The following NDUFAF2 variants were observed in gnomAD, a reference collection of about 807,000 sequenced individuals.
NDUFAF2 encodes the protein NADH:ubiquinone oxidoreductase complex assembly factor 2.
A neutral mutation model predicts 22.8 loss-of-function variants in NDUFAF2; 13 were observed. The observed-to-expected ratio is 0.57, with a 90% CI of 0.37 to 0.91. The LOEUF is 0.91. Among genes scored for constraint, NDUFAF2 ranks in the 40% least tolerant of loss-of-function variants. The probability of loss-of-function intolerance (pLI) is 0.01; values close to 1 mark genes in which losing one functional copy is unlikely to be tolerated. For missense variants in NDUFAF2, 162 were observed against 195.2 expected (o/e 0.83, Z 1.01); for synonymous variants, 53 against 64.2 (o/e 0.83, Z 0.84).
intron 3 of NDUFAF2, among the ~76,000 whole-genome samples, chr5:61,108,213 C>T (rs1389770841): frequency 3.4e-5 from 5 of 148,636 alleles, no homozygotes; most frequent in Non-Finnish European, 7.4e-5. Context: ...TGGGTATATA[C>T]CCAGTAATGG....
chr5:60,971,543 T>A (rs1750830445), intron 1 of NDUFAF2, among the ~76,000 whole-genome samples: 1 of 152,044 alleles, frequency 6.6e-6, no homozygotes, highest in Non-Finnish European at 1.5e-5. Flanking sequence ...CGCCTCGGCC[T>A]CCCAAAGTGC....
At chr5:61,021,189 T>C (rs553138111) in intron 1 of NDUFAF2, among the ~76,000 whole-genome samples, 3 of 152,276 alleles carry the variant, frequency 2.0e-5, no homozygotes, top group Admixed American at 6.5e-5. Flanking sequence ...GTTCTAGAGG[T>C]CAGATAGCCA....
chr5:61,005,772 A>C (rs1230537453), intron 1 of NDUFAF2, among the ~76,000 whole-genome samples: 1 of 152,094 alleles, frequency 6.6e-6, no homozygotes, highest in East Asian at 1.9e-4. Flanking sequence ...TCGTTTGCCC[A>C]CTTGTTGATG....
chr5:61,102,524 A>C (rs926685327), intron 3 of NDUFAF2, among the ~76,000 whole-genome samples: 1 of 152,170 alleles, frequency 6.6e-6, no homozygotes, highest in African/African-American at 2.4e-5. Context: ...TTAATTTAAG[A>C]TGGATTATAG....
chr5:60,952,151 A>G (rs1172797406), intron 1 of NDUFAF2, among the ~76,000 whole-genome samples: 1 of 151,660 alleles, frequency 6.6e-6, no homozygotes, highest in Non-Finnish European at 1.5e-5. Flanking sequence ...ATCATTTTAG[A>G]GAATTAGCTT....
chr5:61,096,474 C>T (rs998379309), intron 2 of NDUFAF2, among the ~76,000 whole-genome samples: 5 of 150,518 alleles, frequency 3.3e-5, no homozygotes, highest in Non-Finnish European at 7.4e-5. Context: ...TGGCGAGTGC[C>T]TGTAGTCCCA....
intron 1 of NDUFAF2, among the ~76,000 whole-genome samples, chr5:60,988,330 A>G (rs1386322868): frequency 1.3e-5 from 2 of 152,142 alleles, no homozygotes; most frequent in Non-Finnish European, 2.9e-5. Context: ...GAAGAACCCA[A>G]TATTTTTTAA....
chr5:61,052,671 A>G (rs767572144), intron 1 of NDUFAF2, among the ~76,000 whole-genome samples: 8 of 152,320 alleles, frequency 5.3e-5, no homozygotes, highest in East Asian at 3.9e-4. Context: ...TATGGTTTTT[A>G]TAAGTAGACA....
chr5:60,977,449 C>T (rs187772404), intron 1 of NDUFAF2, among the ~76,000 whole-genome samples: 121 of 151,820 alleles, frequency 8.0e-4, no homozygotes, highest in Middle Eastern at 3.4e-3. Flanking sequence ...TTGAAACAAA[C>T]GACTTTTCCT....
intron 2 of NDUFAF2, among the ~76,000 whole-genome samples, chr5:61,089,345 T>A (rs1167735409): frequency 1.3e-5 from 2 of 152,152 alleles, no homozygotes; most frequent in African/African-American, 4.8e-5. Context: ...CACATAAATA[T>A]CACTAGCAGT....
At chr5:61,152,601 A>G in intron 3 of NDUFAF2, 103 bp from the exon 4 acceptor site, 1 of 775,728 alleles carries the variant, frequency 1.3e-6, no homozygotes. Context: ...ATGTATGTAT[A>G]TATTTATATG....
At chr5:61,143,544 A>G (rs1431607898) in intron 3 of NDUFAF2, among the ~76,000 whole-genome samples, 2 of 152,138 alleles carry the variant, frequency 1.3e-5, no homozygotes, top group Admixed American at 1.3e-4. Context: ...TTAAAGATAT[A>G]TGTACATTTA....
At chr5:60,972,026 G>A (rs1463989021) in intron 1 of NDUFAF2, among the ~76,000 whole-genome samples, 4 of 136,692 alleles carry the variant, frequency 2.9e-5, no homozygotes, top group South Asian at 5.1e-4. Context: ...CACTGCAACT[G>A]CCACCTCCCG....
chr5:61,033,386 A>G (rs763604251), intron 1 of NDUFAF2, among the ~76,000 whole-genome samples: 1 of 152,156 alleles, frequency 6.6e-6, no homozygotes, highest in Non-Finnish European at 1.5e-5. Flanking sequence ...AAGTTAGTAC[A>G]GTAATAACAT....
At chr5:61,003,954 A>T (rs1438249859) in intron 1 of NDUFAF2, among the ~76,000 whole-genome samples, 1 of 152,088 alleles carries the variant, frequency 6.6e-6, no homozygotes, top group East Asian at 1.9e-4. Context: ...AGCACGAGCT[A>T]CTGTGCCCAG....
At chr5:60,954,982 TA>T (rs928014553) in intron 1 of NDUFAF2, among the ~76,000 whole-genome samples, 1 of 152,220 alleles carries the variant, frequency 6.6e-6, no homozygotes, top group African/African-American at 2.4e-5. Context: ...TTTTGGTTTT[TA>T]ATCATTTATG....
At chr5:61,048,885 G>C (rs1751988249) in intron 1 of NDUFAF2, among the ~76,000 whole-genome samples, 1 of 152,074 alleles carries the variant, frequency 6.6e-6, no homozygotes, top group African/African-American at 2.4e-5. Flanking sequence ...ATTGGAGAGG[G>C]GAGTGGTGGT....
chr5:60,997,293 G>T (rs1230384312), intron 1 of NDUFAF2, among the ~76,000 whole-genome samples: 1 of 152,166 alleles, frequency 6.6e-6, no homozygotes, highest in Non-Finnish European at 1.5e-5. Context: ...CATTAAAAAG[G>T]TCTGTCTGAC....
intron 1 of NDUFAF2, among the ~76,000 whole-genome samples, chr5:60,996,403 A>G (rs946608784): frequency 1.3e-5 from 2 of 152,056 alleles, no homozygotes; most frequent in African/African-American, 4.8e-5. Context: ...CCTTGGGTGA[A>G]CTGATACCTT....
Sources: allele counts gnomAD v4.1 joint callset (sites outside exome capture counted in the v4.1 genomes callset), GRCh38; gene constraint gnomAD v4.1.1; transcripts MANE v1.5; gene names NCBI Gene and HGNC (gene_info 2026-07-23, HGNC 2026-07-21).